The following ACSL3 variants were observed in gnomAD, a reference collection of about 807,000 sequenced individuals.
ACSL3 encodes the protein fatty acid CoA ligase Acsl3.
In ACSL3, 34 loss-of-function variants were observed where a neutral mutation model predicts 84.7. The observed-to-expected ratio is 0.40, with a 90% confidence interval of 0.31 to 0.53. ACSL3 has a LOEUF of 0.53. ACSL3 is among the 20% of genes least tolerant of loss of function. The pLI is 0.48. For missense variants in ACSL3, 680 were observed against 873.1 expected (o/e 0.78, Z 2.79); for synonymous variants, 315 against 299.4 (o/e 1.05, Z -0.54).
intron 1 of ACSL3, among the ~76,000 whole-genome samples, chr2:222,868,231 A>G (rs1376907632): frequency 2.6e-5 from 4 of 152,094 alleles, no homozygotes; most frequent in Non-Finnish European, 5.9e-5. Flanking sequence ...GTGGGTAGGA[A>G]CATGAGCTCA....
At chr2:222,899,312 A>G (rs1696074114) in intron 2 of ACSL3, among the ~76,000 whole-genome samples, 1 of 151,342 alleles carries the variant, frequency 6.6e-6, no homozygotes, top group Non-Finnish European at 1.5e-5. Context: ...CATCTCTACT[A>G]AAAAATACAA....
intron 1 of ACSL3, among the ~76,000 whole-genome samples, chr2:222,875,546 T>C (rs1316837024): frequency 3.9e-5 from 6 of 152,230 alleles, no homozygotes; most frequent in African/African-American, 7.2e-5. Context: ...ATAGGAATAA[T>C]TTCTGTAAAT....
At chr2:222,941,455 T>G (rs1335145758) in intron 16 of ACSL3, 42 bp from the exon 17 acceptor site, 2 of 1,539,688 alleles carry the variant, frequency 1.3e-6, no homozygotes, top group Admixed American at 4.1e-5. Flanking sequence ...TGCTAAGAAC[T>G]TAAATACCTT....
intron 2 of ACSL3, among the ~76,000 whole-genome samples, chr2:222,889,414 G>A (rs879457466): frequency 1.3e-5 from 2 of 152,150 alleles, no homozygotes; most frequent in Non-Finnish European, 2.9e-5. Flanking sequence ...GAAGTAAAGG[G>A]AATGTCATGA....
At chr2:222,921,481 A>G (rs1163026327) in intron 8 of ACSL3, 51 bp downstream of exon 8, 37 of 1,484,500 alleles carry the variant, frequency 2.5e-5, no homozygotes, top group Non-Finnish European at 3.1e-5. Context: ...TGTCTGTTAT[A>G]ATGTTAGCAT....
intron 14 of ACSL3, among the ~76,000 whole-genome samples, chr2:222,932,367 C>T (rs1053028773): frequency 6.6e-6 from 1 of 152,118 alleles, no homozygotes; most frequent in Non-Finnish European, 1.5e-5. Context: ...CTTGCTCTGT[C>T]GCCCAGGCTG....
intron 13 of ACSL3, 103 bp from the exon 14 acceptor site, chr2:222,930,518 G>A: frequency 1.6e-5 from 16 of 1,027,136 alleles, no homozygotes; most frequent in Non-Finnish European, 2.2e-5. Flanking sequence ...CCTTTGGGAA[G>A]TTCTAATTGG....
At chr2:222,933,943 G>A (rs1697102823) in intron 15 of ACSL3, among the ~76,000 whole-genome samples, 1 of 152,158 alleles carries the variant, frequency 6.6e-6, no homozygotes, top group African/African-American at 2.4e-5. Context: ...ATTTTCTTTA[G>A]TGATGATACA....
At chr2:222,939,176 G>A (rs1275083790) in intron 16 of ACSL3, among the ~76,000 whole-genome samples, 1 of 151,694 alleles carries the variant, frequency 6.6e-6, no homozygotes, top group Non-Finnish European at 1.5e-5. Flanking sequence ...CTATTTCTTT[G>A]TATGTCTTTA....
chr2:222,880,848 A>T (rs943589502), intron 1 of ACSL3, among the ~76,000 whole-genome samples: 82 of 151,380 alleles, frequency 5.4e-4, no homozygotes, highest in African/African-American at 2.0e-3. Flanking sequence ...AAAAAAAACA[A>T]AAAAAAACCT....
At chr2:222,929,021 T>A in intron 13 of ACSL3, 85 bp downstream of exon 13, 1 of 1,087,172 alleles carries the variant, frequency 9.2e-7, no homozygotes, top group Non-Finnish European at 1.4e-6. Flanking sequence ...CTTTAGAATG[T>A]AAACACCCAT....
intron 9 of ACSL3, 66 bp from the exon 10 acceptor site, chr2:222,923,012 T>C (rs1696781095): frequency 7.1e-7 from 1 of 1,405,184 alleles, no homozygotes; most frequent in East Asian, 2.4e-5. Flanking sequence ...CTTTTTGATC[T>C]AAGAATACCA....
chr2:222,907,654 G>A (rs1289491818), intron 3 of ACSL3, among the ~76,000 whole-genome samples: 2 of 151,580 alleles, frequency 1.3e-5, no homozygotes, highest in African/African-American at 4.9e-5. Flanking sequence ...AGTCCCAACT[G>A]TTTGGGAGGC....
chr2:222,907,147 C>G (rs989722185), intron 3 of ACSL3, among the ~76,000 whole-genome samples: 1 of 152,162 alleles, frequency 6.6e-6, no homozygotes, highest in Admixed American at 6.5e-5. Context: ...ACCCATCAGT[C>G]TTCTCTGTTT....
At chr2:222,930,562 T>C in intron 13 of ACSL3, 59 bp from the exon 14 acceptor site, 9 of 1,367,704 alleles carry the variant, frequency 6.6e-6, no homozygotes, top group Non-Finnish European at 6.8e-6. Context: ...AAACTAGTAG[T>C]TTCAAATTTT....
At chr2:222,870,703 G>A (rs547697537) in intron 1 of ACSL3, among the ~76,000 whole-genome samples, 1 of 152,340 alleles carries the variant, frequency 6.6e-6, no homozygotes, top group African/African-American at 2.4e-5. Flanking sequence ...AGAGAAGACA[G>A]GTAAGGGAGA....
intron 13 of ACSL3, among the ~76,000 whole-genome samples, 168 bp from the exon 14 acceptor site, chr2:222,930,453 T>C (rs1401421725): frequency 4.6e-5 from 7 of 152,258 alleles, no homozygotes; most frequent in African/African-American, 1.7e-4. Context: ...AACTGAGATT[T>C]TGTGCCTACT....
Position 222,876,700 on chromosome 2 carries a change from T to C in ACSL3, c.-206-11130T>C, listed in dbSNP as rs185226043. On this transcript the variant is annotated intron_variant, in intron 1 of 16. Coordinates refer to ENST00000357430, the MANE Select transcript of ACSL3 (RefSeq NM_004457.5). ...AAAATAGTATTTATAAAAGTATACA[T>C]TTATTCATACCCGCTATGTATCACA... Among the ~76,000 whole-genome samples, 18 of 152,210 alleles carry C rather than the reference T, an allele frequency of 1.2e-4. No individual in the cohort carries two copies. In the East Asian group the frequency reaches 3.5e-3, roughly 29 times the overall value.
chr2:222,866,589 C>T (rs1695147419), intron 1 of ACSL3, among the ~76,000 whole-genome samples: 1 of 152,130 alleles, frequency 6.6e-6, no homozygotes, highest in South Asian at 2.1e-4. Context: ...TGTTCTTAAC[C>T]TGGGCGCTGC....
Sources: gnomAD v4.1 joint callset for allele counts (sites outside exome capture counted in the v4.1 genomes callset) on GRCh38, gnomAD v4.1.1 for gene constraint, MANE v1.5 for transcripts, NCBI Gene and HGNC (gene_info 2026-07-23, HGNC 2026-07-21) for gene names.